Variants in SOX6 observed in about 807,000 individuals in gnomAD.
SOX6 encodes transcription factor SOX-6.
SOX6 carries 11 observed loss-of-function variants against 97.8 expected under a neutral mutation model. That is an observed-to-expected ratio of 0.11 (90% CI 0.07 to 0.19). The LOEUF (loss-of-function observed/expected upper bound fraction) is 0.19. SOX6 is among the 10% of genes least tolerant of loss of function. The pLI, the probability that SOX6 is intolerant of heterozygous loss-of-function variation, is 1.00. For missense variants in SOX6, 810 were observed against 1,039.5 expected, an observed-to-expected ratio of 0.78 and a Z score of 3.04; for synonymous variants, 360 against 371.4, an observed-to-expected ratio of 0.97 and a Z score of 0.35.
intron 3 of SOX6, among the ~76,000 whole-genome samples, chr11:16,309,601 T>C (rs1855537919): frequency 6.6e-6 from 1 of 152,124 alleles, no homozygotes; most frequent in Admixed American, 6.6e-5. Context: ...TCAATAGTAT[T>C]AGAAATTTTT....
At chr11:16,497,919 C>T (rs1196879800) in intron 4 of SOX6, among the ~76,000 whole-genome samples, 2 of 152,182 alleles carry the variant, frequency 1.3e-5, no homozygotes, top group East Asian at 1.9e-4. Flanking sequence ...GAGAACTTCT[C>T]CAATCTAGCA....
intron 1 of SOX6, among the ~76,000 whole-genome samples, chr11:16,454,452 T>G (rs546582608): frequency 2.6e-5 from 4 of 152,046 alleles, no homozygotes; most frequent in Non-Finnish European, 5.9e-5. Flanking sequence ...GCCATATTTA[T>G]TATTGTGGTT....
intron 3 of SOX6, among the ~76,000 whole-genome samples, chr11:16,615,231 T>C (rs554958325): frequency 2.0e-5 from 3 of 152,280 alleles, no homozygotes; most frequent in South Asian, 4.1e-4. Flanking sequence ...AAGTATGTAA[T>C]AGTCCTCAAA....
chr11:16,284,531 C>T (rs1421303458), intron 3 of SOX6, among the ~76,000 whole-genome samples: 1 of 152,042 alleles, frequency 6.6e-6, no homozygotes, highest in Non-Finnish European at 1.5e-5. Context: ...TTTATATTCA[C>T]TCCCCAACAG....
intron 3 of SOX6, among the ~76,000 whole-genome samples, chr11:16,303,230 C>T (rs1855319957): frequency 6.6e-6 from 1 of 152,084 alleles, no homozygotes; most frequent in Admixed American, 6.5e-5. Context: ...TTATTTATCT[C>T]TCTGAAAACT....
intron 1 of SOX6, among the ~76,000 whole-genome samples, chr11:16,391,565 A>G (rs1201606085): frequency 6.6e-6 from 1 of 152,182 alleles, no homozygotes; most frequent in Admixed American, 6.5e-5. Context: ...ATTAGTAAAC[A>G]TGTTCCTCCT....
At chr11:16,604,930 G>A (rs961822979) in intron 4 of SOX6, among the ~76,000 whole-genome samples, 1 of 152,124 alleles carries the variant, frequency 6.6e-6, no homozygotes, top group Non-Finnish European at 1.5e-5. Flanking sequence ...GAAGCAGCCC[G>A]GCACCGAGCT....
chr11:16,437,019 G>C (rs1002912721), intron 1 of SOX6, among the ~76,000 whole-genome samples: 1 of 151,920 alleles, frequency 6.6e-6, no homozygotes, highest in Admixed American at 6.6e-5. Flanking sequence ...CACTTTGGGA[G>C]GCCAAGGTGG....
chr11:16,390,114 G>A (rs1030694672), intron 1 of SOX6, among the ~76,000 whole-genome samples: 1 of 151,550 alleles, frequency 6.6e-6, no homozygotes, highest in Non-Finnish European at 1.5e-5. Context: ...AATCCTGTTC[G>A]TGGATGGTTT....
intron 4 of SOX6, among the ~76,000 whole-genome samples, chr11:16,525,548 T>C (rs534498017): frequency 6.6e-6 from 1 of 151,096 alleles, no homozygotes; most frequent in Non-Finnish European, 1.5e-5. Flanking sequence ...AACCTAGGCA[T>C]TACCATTCAG....
intron 6 of SOX6, among the ~76,000 whole-genome samples, chr11:16,166,514 G>A (rs529313204): frequency 7.2e-5 from 11 of 152,288 alleles, no homozygotes; most frequent in Admixed American, 7.2e-4. Context: ...CATGTGCAAA[G>A]TATCAAACTA....
chr11:16,047,614 G>A (rs1590158192), intron 11 of SOX6, among the ~76,000 whole-genome samples: 1 of 152,004 alleles, frequency 6.6e-6, no homozygotes. Flanking sequence ...GACAAAAAGA[G>A]GGCAATTTTT....
At position 16,132,427 on chromosome 11, in the gene SOX6, AAG is replaced by A. The variant is rs1474532715; in HGVS notation, c.778-20506_778-20505del. Reference sequence around the variant, plus strand: ...AAAGAAAGAAAGAAAGAAAGAAAGAAAGAAAGAAAGAAAGAAAAAAGAAAGAA... The same window carrying A: ...AAAGAAAGAAAGAAAGAAAGAAAGAAAAAGAAAGAAAGAAAAAAGAAAGAA... On this transcript the variant is annotated intron_variant, in intron 6 of 15. Transcript: ENST00000683767. 8.5e-4 allele frequency among the ~76,000 whole-genome samples: 97 copies of A among 113,588 alleles called. 8 individuals carry two copies. The highest frequency in any genetic ancestry group is 3.4e-3 in the African/African-American group (88 of 25,926). 74.5% of individuals were successfully genotyped at this position (113,588 alleles called of 152,430 possible).
intron 6 of SOX6, among the ~76,000 whole-genome samples, chr11:16,161,289 A>C (rs1429346092): frequency 6.6e-6 from 1 of 151,476 alleles, no homozygotes; most frequent in African/African-American, 2.4e-5. Context: ...TGAGGACTGT[A>C]ACACTTAAGA....
At chr11:16,340,835 C>T (rs1856606211) in intron 2 of SOX6, among the ~76,000 whole-genome samples, 177 bp downstream of exon 2, 1 of 152,006 alleles carries the variant, frequency 6.6e-6, no homozygotes, top group South Asian at 2.1e-4. Context: ...CACTAAATCA[C>T]AAACCATTTT....
In SOX6 at chr11:16,061,755, C is replaced by G. The variant is rs373621579; in HGVS notation, c.1102-5854G>C. Among the ~76,000 whole-genome samples the G allele has an allele frequency of 2.0e-5, 3 of 151,744 alleles. No homozygotes were observed. The East Asian group carries it at 5.8e-4, about 29-fold the overall frequency. ...AATAAAGCCACATACCTAGAGCCAG[C>G]TGATCTTTGACAAAATTGATAAGAA... On this transcript the variant is annotated intron_variant, in intron 9 of 15. Coordinates refer to ENST00000683767, the MANE Select transcript of SOX6 (RefSeq NM_001367873.1).
At chr11:16,394,635 A>G (rs1858291275) in intron 1 of SOX6, among the ~76,000 whole-genome samples, 1 of 151,990 alleles carries the variant, frequency 6.6e-6, no homozygotes, top group East Asian at 1.9e-4. Flanking sequence ...GTCTACCAAT[A>G]TTTTAGCAAC....
At chr11:16,731,296 A>C (rs1208331904) in intron 2 of SOX6, among the ~76,000 whole-genome samples, 1 of 152,226 alleles carries the variant, frequency 6.6e-6, no homozygotes, top group Non-Finnish European at 1.5e-5. Flanking sequence ...CAACAAAAAA[A>C]AGAAATTTTC....
At chr11:16,218,898 G>A (rs1852454093) in intron 4 of SOX6, among the ~76,000 whole-genome samples, 1 of 151,956 alleles carries the variant, frequency 6.6e-6, no homozygotes, top group South Asian at 2.1e-4. Context: ...TCATTTCCGT[G>A]AAACATGTAC....
Sources: allele counts gnomAD v4.1 joint callset (sites outside exome capture counted in the v4.1 genomes callset), GRCh38; gene constraint gnomAD v4.1.1; transcripts MANE v1.5; gene names NCBI Gene and HGNC (gene_info 2026-07-23, HGNC 2026-07-21).